Variants in CCR5AS observed in about 807,000 individuals in gnomAD.
The protein encoded by CCR5AS is CCR5 antisense RNA.
At chr3:46,374,725 C>T (rs17765882) in intron 2 of CCR5AS, 12,619 of 167,226 alleles carry the variant, frequency 0.075, 712 homozygotes, top group South Asian at 0.19. Flanking sequence ...ATTGCTCCGT[C>T]TAAGTCATGA....
At chr3:46,389,281 G>C (rs755750521) in intron 2 of CCR5AS, among the ~76,000 whole-genome samples, 1 of 152,238 alleles carries the variant, frequency 6.6e-6, no homozygotes, top group African/African-American at 2.4e-5. Context: ...CAGGCTGGCT[G>C]TCTGATGGGC....
intron 1 of CCR5AS, among the ~76,000 whole-genome samples, chr3:46,402,464 T>C (rs1169677648): frequency 6.6e-6 from 1 of 152,236 alleles, no homozygotes; most frequent in East Asian, 1.9e-4. Flanking sequence ...TTTTTCTACA[T>C]TTCCCATTAA....
At chr3:46,402,337 G>A (rs1299243752) in intron 1 of CCR5AS, among the ~76,000 whole-genome samples, 1 of 152,144 alleles carries the variant, frequency 6.6e-6, no homozygotes, top group African/African-American at 2.4e-5. Flanking sequence ...AAAATCTGGG[G>A]GCAGGATAAG....
At chr3:46,370,601 TGG>T (rs1221243814) in intron 3 of CCR5AS, among the ~76,000 whole-genome samples, 1 of 152,254 alleles carries the variant, frequency 6.6e-6, no homozygotes, top group African/African-American at 2.4e-5. Flanking sequence ...ATTTGCTTCT[TGG>T]ATAGTAATTT....
At chr3:46,387,858 G>T (rs1054500039) in intron 2 of CCR5AS, among the ~76,000 whole-genome samples, 1 of 152,126 alleles carries the variant, frequency 6.6e-6, no homozygotes, top group Non-Finnish European at 1.5e-5. Context: ...AGTTAAAGGG[G>T]GTTGTCCTCT....
intron 2 of CCR5AS, among the ~76,000 whole-genome samples, chr3:46,382,223 C>T (rs1701823490): frequency 2.0e-5 from 3 of 152,300 alleles, no homozygotes; most frequent in East Asian, 1.9e-4. Context: ...CAACATGGCA[C>T]GGGCCAGGTA....
intron 2 of CCR5AS, among the ~76,000 whole-genome samples, chr3:46,387,802 G>A (rs1210605535): frequency 6.6e-6 from 1 of 152,208 alleles, no homozygotes; most frequent in Admixed American, 6.5e-5. Context: ...AAGGGAGATA[G>A]GGATGGGGCG....
intron 2 of CCR5AS, chr3:46,374,037 G>T: frequency 9.0e-7 from 1 of 1,116,710 alleles, no homozygotes; most frequent in Non-Finnish European, 1.3e-6. Flanking sequence ...CTGGGCTGGG[G>T]GTGGGGTGGG....
At chr3:46,382,115 T>C (rs1168494943) in intron 2 of CCR5AS, among the ~76,000 whole-genome samples, 1 of 152,230 alleles carries the variant, frequency 6.6e-6, no homozygotes, top group Non-Finnish European at 1.5e-5. Context: ...CCGGCAGCTG[T>C]GCCAATAGGA....
At chr3:46,379,712 T>G (rs1484269858) in intron 2 of CCR5AS, among the ~76,000 whole-genome samples, 1 of 151,818 alleles carries the variant, frequency 6.6e-6, no homozygotes, top group Non-Finnish European at 1.5e-5. Flanking sequence ...CTGGCCAATA[T>G]AGTGAAACCC....
At chr3:46,405,024 G>A (rs1559577926) in intron 1 of CCR5AS, among the ~76,000 whole-genome samples, 1 of 152,210 alleles carries the variant, frequency 6.6e-6, no homozygotes, top group Non-Finnish European at 1.5e-5. Flanking sequence ...CAAGGCTGCA[G>A]AATGTGATGT....
chr3:46,401,586 T>C (rs1430012722), intron 1 of CCR5AS, among the ~76,000 whole-genome samples: 3 of 152,134 alleles, frequency 2.0e-5, no homozygotes, highest in Non-Finnish European at 2.9e-5. Flanking sequence ...GGGCCTATCA[T>C]AGTGTCCCTA....
At chr3:46,368,195 G>A in intron 3 of CCR5AS, among the ~76,000 whole-genome samples, 1 of 152,186 alleles carries the variant, frequency 6.6e-6, no homozygotes, top group Non-Finnish European at 1.5e-5. Flanking sequence ...CCCCAAAAAG[G>A]AGGGATGGCA....
At chr3:46,401,083 G>T (rs1463063345) in intron 1 of CCR5AS, among the ~76,000 whole-genome samples, 1 of 152,160 alleles carries the variant, frequency 6.6e-6, no homozygotes, top group Admixed American at 6.5e-5. Context: ...ATATTGGGAG[G>T]TGAGATTAGG....
At chr3:46,389,223 G>C (rs1363156026) in intron 2 of CCR5AS, among the ~76,000 whole-genome samples, 1 of 152,194 alleles carries the variant, frequency 6.6e-6, no homozygotes, top group Non-Finnish European at 1.5e-5. Flanking sequence ...GTGAGTTTAA[G>C]GGAAGTAGGG....
At chr3:46,378,697 C>T (rs1432583260) in intron 2 of CCR5AS, among the ~76,000 whole-genome samples, 6 of 152,118 alleles carry the variant, frequency 3.9e-5, no homozygotes, top group East Asian at 3.9e-4. Context: ...ATTTCCACAG[C>T]GGCTCAGGGT....
chr3:46,373,979 T>C (rs1701716264), intron 2 of CCR5AS: 14 of 1,536,020 alleles, frequency 9.1e-6, no homozygotes, highest in Non-Finnish European at 1.2e-5. Flanking sequence ...TCAAGTGGGC[T>C]GGTGACCCAG....
intron 3 of CCR5AS, among the ~76,000 whole-genome samples, chr3:46,370,475 C>G (rs991401622): frequency 2.0e-5 from 3 of 152,156 alleles, no homozygotes; most frequent in South Asian, 4.1e-4. Flanking sequence ...CAGGATCCCC[C>G]TCTACATTTA....
chr3:46,383,545 G>A (rs769252079), intron 2 of CCR5AS, among the ~76,000 whole-genome samples: 40 of 152,104 alleles, frequency 2.6e-4, no homozygotes, highest in Non-Finnish European at 5.0e-4. Context: ...GTCTACTTCC[G>A]GGGCCCTCAT....
Sources: gnomAD v4.1 joint callset for allele counts (sites outside exome capture counted in the v4.1 genomes callset) on GRCh38, gnomAD v4.1.1 for gene constraint, MANE v1.5 for transcripts, NCBI Gene and HGNC (gene_info 2026-07-23, HGNC 2026-07-21) for gene names.